Variants in PARD3B observed in about 807,000 individuals in gnomAD.
The protein encoded by PARD3B is partitioning defective 3 homolog B.
A neutral mutation model predicts 130.2 loss-of-function variants in PARD3B; 103 were observed. The observed-to-expected ratio is 0.79, with a 90% confidence interval of 0.67 to 0.93. The LOEUF is 0.93. Ranked by LOEUF, PARD3B falls within the 40% of genes least tolerant of loss-of-function variation. PARD3B has a pLI of 0.00. For missense variants in PARD3B, 1,609 were observed against 1,499.2 expected (o/e 1.07, Z -1.21); for synonymous variants, 583 against 553.2 (o/e 1.05, Z -0.76).
At chr2:205,112,518 T>C (rs1312350028) in intron 5 of PARD3B, among the ~76,000 whole-genome samples, 1 of 152,062 alleles carries the variant, frequency 6.6e-6, no homozygotes, top group African/African-American at 2.4e-5. Flanking sequence ...TGACATCTAG[T>C]TTCAGGTCAT....
Position 205,615,914 on chromosome 2 carries a change from T to C in PARD3B, c.*101T>C. On this transcript the variant is annotated 3_prime_UTR_variant, in exon 23 of 23. Coordinates refer to ENST00000406610, the MANE Select transcript of PARD3B (RefSeq NM_001302769.2). ...CCTCCTTGGTGTTAGGAATTCTCCA[T>C]GTTACTGATAAGCTTTTTCTCACTG... is the stretch of plus-strand genomic sequence containing the variant. The C allele has an allele frequency of 2.0e-6, 2 of 1,004,574 alleles. No homozygotes were observed. Among genetic ancestry groups the C allele is most frequent in the East Asian group, 2.4e-5 (1 of 41,152 alleles). 62.2% of individuals were successfully genotyped at this position (1,004,574 alleles called of 1,614,324 possible). A position where few individuals can be genotyped will look rare whatever the true frequency, so the allele number is the denominator to read the frequency against.
At chr2:205,259,240 G>A (rs1269457883) in intron 16 of PARD3B, among the ~76,000 whole-genome samples, 1 of 151,774 alleles carries the variant, frequency 6.6e-6, no homozygotes, top group African/African-American at 2.4e-5. Flanking sequence ...TTCCCTCTTG[G>A]GTCTTTTTCC....
chr2:204,972,915 C>T (rs1691832346), intron 3 of PARD3B, among the ~76,000 whole-genome samples: 1 of 152,124 alleles, frequency 6.6e-6, no homozygotes, highest in South Asian at 2.1e-4. Flanking sequence ...GTCATGTTTG[C>T]AGAGGCCTAG....
chr2:205,119,264 T>A (rs1398922659), intron 7 of PARD3B, among the ~76,000 whole-genome samples: 2 of 152,114 alleles, frequency 1.3e-5, no homozygotes, highest in Admixed American at 1.3e-4. Context: ...CTACAGAATA[T>A]CACAAGCCTT....
rs958343500 is a variant in PARD3B at position 205,269,267 on chromosome 2, T to C, written c.2185+23445T>C. ...TCAATGATTAAAGGTGCCTTGAGTA[T>C]TTTATTCAAAACTTTTTGGTACTTA... On this transcript the variant is annotated intron_variant, in intron 16 of 22. Coordinates refer to ENST00000406610, the MANE Select transcript of PARD3B (RefSeq NM_001302769.2). The surrounding 1 kb of genome is among the most constrained non-coding windows in gnomAD (Gnocchi z 4.7). 1.3e-5 allele frequency among the ~76,000 whole-genome samples: 2 copies of C among 152,182 alleles called. No homozygotes were observed. Among genetic ancestry groups the C allele is most frequent in the Non-Finnish European group, 2.9e-5 (2 of 68,012 alleles).
At chr2:204,703,504 T>G (rs1269240702) in intron 2 of PARD3B, among the ~76,000 whole-genome samples, 1 of 152,230 alleles carries the variant, frequency 6.6e-6, no homozygotes, top group African/African-American at 2.4e-5. Context: ...TTTCTTTACT[T>G]TTATGAAATG....
At chr2:204,864,485 G>A (rs1026620640) in intron 2 of PARD3B, among the ~76,000 whole-genome samples, 2 of 152,086 alleles carry the variant, frequency 1.3e-5, no homozygotes, top group African/African-American at 2.4e-5. Context: ...TGCAATGGCT[G>A]TTTCTTCTGT....
intron 3 of PARD3B, among the ~76,000 whole-genome samples, chr2:205,026,272 T>C (rs1697022158): frequency 6.6e-6 from 1 of 152,048 alleles, no homozygotes; most frequent in South Asian, 2.1e-4. Flanking sequence ...TGGGTGAATT[T>C]GGAAAGATAG....
At chr2:205,003,141 G>T (rs963771289) in intron 3 of PARD3B, among the ~76,000 whole-genome samples, 1 of 152,124 alleles carries the variant, frequency 6.6e-6, no homozygotes, top group Non-Finnish European at 1.5e-5. Flanking sequence ...GGCAATGGCC[G>T]TCCGGTCTTT....
intron 21 of PARD3B, among the ~76,000 whole-genome samples, chr2:205,545,475 T>C (rs1259926850): frequency 6.6e-6 from 1 of 152,212 alleles, no homozygotes; most frequent in African/African-American, 2.4e-5. Context: ...TTTCCTAAAA[T>C]GGCATCTAAA....
intron 1 of PARD3B, among the ~76,000 whole-genome samples, chr2:204,571,558 C>A (rs970669640): frequency 6.6e-6 from 1 of 152,090 alleles, no homozygotes; most frequent in Admixed American, 6.6e-5. Flanking sequence ...TAGGGTTAAG[C>A]CCTTGAAATT....
intron 19 of PARD3B, among the ~76,000 whole-genome samples, 190 bp downstream of exon 19, chr2:205,401,313 T>C (rs1026365023): frequency 2.0e-5 from 3 of 152,210 alleles, no homozygotes; most frequent in African/African-American, 7.2e-5. Flanking sequence ...AGAAGAAATT[T>C]GCTTCATGTT....
rs2036789752 is a variant in PARD3B, at chr2:204,680,805, T to C, written c.121-5376T>C. 2.6e-5 allele frequency among the ~76,000 whole-genome samples: 4 copies of C among 152,148 alleles called. 1 individual carries two copies. In the South Asian group the frequency reaches 8.3e-4, roughly 32 times the overall value. On this transcript the variant is annotated intron_variant, in intron 1 of 22. Transcript: ENST00000406610. ...ACAGCTGGGCATTTTTGAGATATTTTTCTGTGGTTGATTCTACTGTGATAA... is the reference window on the plus strand; with the variant it reads ...ACAGCTGGGCATTTTTGAGATATTTCTCTGTGGTTGATTCTACTGTGATAA...
chr2:205,613,977 T>C (rs928094375), intron 22 of PARD3B, among the ~76,000 whole-genome samples: 1 of 152,204 alleles, frequency 6.6e-6, no homozygotes, highest in African/African-American at 2.4e-5. Flanking sequence ...GTGTCTGACA[T>C]TGGGGAGCTT....
chr2:205,046,217 A>G (rs926892113), intron 3 of PARD3B, among the ~76,000 whole-genome samples: 2 of 151,788 alleles, frequency 1.3e-5, no homozygotes, highest in Non-Finnish European at 2.9e-5. Flanking sequence ...CTTTCTTAAA[A>G]TTTTATGGTA....
chr2:204,596,266 C>G (rs1449795439), intron 1 of PARD3B, among the ~76,000 whole-genome samples: 1 of 152,170 alleles, frequency 6.6e-6, no homozygotes, highest in Non-Finnish European at 1.5e-5. Context: ...CCTTACCCCA[C>G]AAGTATCCAT....
intron 2 of PARD3B, among the ~76,000 whole-genome samples, chr2:204,922,037 C>T (rs1291997544): frequency 1.3e-5 from 2 of 152,018 alleles, no homozygotes; most frequent in Non-Finnish European, 2.9e-5. Context: ...ATTCTGATGC[C>T]TTTTAAGTGA....
At chr2:204,742,179 A>G (rs1574865372) in intron 2 of PARD3B, among the ~76,000 whole-genome samples, 1 of 152,248 alleles carries the variant, frequency 6.6e-6, no homozygotes, top group East Asian at 1.9e-4. Context: ...CTGAATAAGT[A>G]TTTCTTATTA....
intron 2 of PARD3B, among the ~76,000 whole-genome samples, chr2:204,740,066 T>G (rs1244420444): frequency 6.6e-6 from 1 of 152,016 alleles, no homozygotes; most frequent in African/African-American, 2.4e-5. Flanking sequence ...CAGGCTGGAG[T>G]GCAGTGATGC....
Sources: gnomAD v4.1 joint callset for allele counts (sites outside exome capture counted in the v4.1 genomes callset) on GRCh38, gnomAD v4.1.1 for gene constraint, Gnocchi (gnomAD v3.1) non-coding constraint, MANE v1.5 for transcripts, NCBI Gene and HGNC (gene_info 2026-07-23, HGNC 2026-07-21) for gene names.